PRKG1: variants seen among roughly 807,000 people sequenced by gnomAD.
PRKG1 encodes the protein cGMP-dependent protein kinase 1.
In PRKG1, 35 loss-of-function variants were observed where a neutral mutation model predicts 88.1. That is an observed-to-expected ratio of 0.40 (90% CI 0.30 to 0.53). The LOEUF is 0.53. Among genes scored for constraint, PRKG1 ranks in the 20% least tolerant of loss-of-function variants. PRKG1 has a pLI of 0.59. For missense variants in PRKG1, 540 were observed against 839.8 expected, an observed-to-expected ratio of 0.64 and a Z score of 4.41; for synonymous variants, 303 against 292.5, an observed-to-expected ratio of 1.04 and a Z score of -0.37.
chr10:51,480,112 T>C (rs886242445), intron 3 of PRKG1, among the ~76,000 whole-genome samples: 4 of 152,146 alleles, frequency 2.6e-5, no homozygotes, highest in Admixed American at 2.6e-4. Context: ...GATGAGATCT[T>C]AAGGCATATA....
intron 2 of PRKG1, among the ~76,000 whole-genome samples, chr10:51,211,769 G>A (rs1838227223): frequency 6.6e-6 from 1 of 152,096 alleles, no homozygotes; most frequent in African/African-American, 2.4e-5. Context: ...GGGATGTGAA[G>A]GACCTCTTCA....
chr10:51,699,164 G>T, intron 3 of PRKG1: 2 of 1,614,150 alleles, frequency 1.2e-6, no homozygotes, highest in Non-Finnish European at 1.7e-6. Context: ...TACTGCTCTG[G>T]TAATCGATTC....
intron 8 of PRKG1, among the ~76,000 whole-genome samples, chr10:52,156,481 A>G (rs1405354447): frequency 1.3e-5 from 2 of 151,832 alleles, no homozygotes; most frequent in Non-Finnish European, 1.5e-5. Flanking sequence ...GTATATGTAC[A>G]TATGTGTGAG....
intron 8 of PRKG1, among the ~76,000 whole-genome samples, chr10:52,140,183 C>A (rs533032705): frequency 5.8e-4 from 89 of 152,278 alleles, no homozygotes; most frequent in Non-Finnish European, 3.8e-4. Flanking sequence ...AATTTCTTGA[C>A]CCCTGACTTA....
At chr10:51,214,552 G>T (rs1241840835) in intron 2 of PRKG1, among the ~76,000 whole-genome samples, 2 of 151,846 alleles carry the variant, frequency 1.3e-5, no homozygotes, top group East Asian at 1.9e-4. Context: ...CATGATCACT[G>T]CTCATTGAGG....
At position 51,698,708 on chromosome 10, in the gene PRKG1, G is replaced by A. The variant is rs761937055; in HGVS notation, c.593-105877G>A. On this transcript the variant is annotated intron_variant, in intron 3 of 17. Coordinates refer to ENST00000373980, the MANE Select transcript of PRKG1 (RefSeq NM_006258.4). ...TTGGGGCTGCATTGCTCCTCCAGGA[G>A]TTAAGGAACCAGGACCAGCTCCGGG... 3.1e-5 allele frequency: 50 copies of A among 1,614,112 alleles called. No homozygotes were observed. Among genetic ancestry groups the A allele is most frequent in the Middle Eastern group, 1.6e-4 (1 of 6,082 alleles).
At chr10:51,625,218 C>G (rs951554835) in intron 3 of PRKG1, among the ~76,000 whole-genome samples, 22 of 152,268 alleles carry the variant, frequency 1.4e-4, no homozygotes, top group African/African-American at 5.1e-4. Context: ...TGGCTTATGC[C>G]TGTAATCCCA....
intron 1 of PRKG1, among the ~76,000 whole-genome samples, chr10:51,083,232 T>C (rs1844158146): frequency 6.6e-6 from 1 of 152,182 alleles, no homozygotes; most frequent in Non-Finnish European, 1.5e-5. Context: ...CTCTGTTCAG[T>C]GGGTAAGTTT....
At chr10:52,194,472 A>G (rs1233465875) in intron 9 of PRKG1, among the ~76,000 whole-genome samples, 3 of 152,194 alleles carry the variant, frequency 2.0e-5, no homozygotes. Flanking sequence ...TAGGATTAGT[A>G]AGAACTTAAA....
At chr10:51,741,929 G>T (rs1205166745) in intron 3 of PRKG1, among the ~76,000 whole-genome samples, 1 of 152,194 alleles carries the variant, frequency 6.6e-6, no homozygotes, top group East Asian at 1.9e-4. Flanking sequence ...AGCTGTAACT[G>T]GTTGTCAAAG....
At chr10:51,610,155 C>G (rs1838870207) in intron 3 of PRKG1, among the ~76,000 whole-genome samples, 1 of 152,096 alleles carries the variant, frequency 6.6e-6, no homozygotes, top group African/African-American at 2.4e-5. Flanking sequence ...GCTCTCTCTT[C>G]TAGTTTTTTT....
At chr10:52,245,876 C>T (rs1377572690) in intron 9 of PRKG1, among the ~76,000 whole-genome samples, 1 of 151,658 alleles carries the variant, frequency 6.6e-6, no homozygotes, top group African/African-American at 2.4e-5. Flanking sequence ...ACTAATAGGG[C>T]TATATTTGCC....
At chr10:51,414,084 A>C (rs2132693525) in intron 2 of PRKG1, among the ~76,000 whole-genome samples, 1 of 152,326 alleles carries the variant, frequency 6.6e-6, no homozygotes, top group South Asian at 2.1e-4. Context: ...AGAGGATAAC[A>C]ATACCCATTT....
chr10:52,275,683 T>A lies in PRKG1; in HGVS notation c.1403+3202T>A, dbSNP rs558467941. On this transcript the variant is annotated intron_variant, in intron 12 of 17. Transcript: ENST00000373980. ...ATGTGGGCTCTTTTATGATCCCATA[T>A]GAATTTTAGAATTTTTTTTCTAATT... Among the ~76,000 whole-genome samples the A allele has an allele frequency of 1.6e-4, 24 of 152,284 alleles. No individual in the cohort carries two copies. In the South Asian group the frequency reaches 2.3e-3, roughly 14 times the overall value.
intron 3 of PRKG1, among the ~76,000 whole-genome samples, chr10:51,765,362 A>G (rs752207005): frequency 5.3e-5 from 8 of 152,202 alleles, no homozygotes; most frequent in Non-Finnish European, 1.2e-4. Context: ...CTTTGTTCCA[A>G]TGCTTTTGTG....
chr10:52,018,174 T>A (rs1845091938), intron 5 of PRKG1, among the ~76,000 whole-genome samples: 1 of 152,178 alleles, frequency 6.6e-6, no homozygotes, highest in African/African-American at 2.4e-5. Flanking sequence ...AGAAACCTAT[T>A]AACAGCTCAT....
chr10:51,583,749 T>C (rs762686800), intron 3 of PRKG1, among the ~76,000 whole-genome samples: 1 of 152,154 alleles, frequency 6.6e-6, no homozygotes, highest in Non-Finnish European at 1.5e-5. Flanking sequence ...GTGAGTAGGA[T>C]GAATTATACC....
intron 2 of PRKG1, among the ~76,000 whole-genome samples, chr10:51,238,954 T>A (rs1442347468): frequency 6.6e-6 from 1 of 151,938 alleles, no homozygotes; most frequent in Non-Finnish European, 1.5e-5. Flanking sequence ...AGACCTAAAG[T>A]TAAATGGTAA....
intron 4 of PRKG1, 52 bp from the exon 5 acceptor site, chr10:51,907,455 T>C (rs371616938): frequency 3.6e-6 from 5 of 1,384,496 alleles, no homozygotes; most frequent in Non-Finnish European, 5.0e-6. Flanking sequence ...TTATTACTTA[T>C]GAAAGTAAGT....
Sources: allele counts gnomAD v4.1 joint callset (sites outside exome capture counted in the v4.1 genomes callset), GRCh38; gene constraint gnomAD v4.1.1; transcripts MANE v1.5; gene names NCBI Gene and HGNC (gene_info 2026-07-23, HGNC 2026-07-21).